STARD3NL: variants seen among roughly 807,000 people sequenced by gnomAD.
STARD3NL encodes STARD3 N-terminal like, also known as STARD3 N-terminal-like protein.
STARD3NL carries 17 observed loss-of-function variants against 30.9 expected under a neutral mutation model. That is an observed-to-expected ratio of 0.55 (90% CI 0.38 to 0.82). STARD3NL has a LOEUF of 0.82. Among genes scored for constraint, STARD3NL ranks in the 40% least tolerant of loss-of-function variants. The probability of loss-of-function intolerance (pLI) is 0.00; values close to 1 mark genes in which losing one functional copy is unlikely to be tolerated. For synonymous variants in STARD3NL, 112 were observed against 100.5 expected (o/e 1.11, Z -0.69); for missense variants, 234 against 277.6 (o/e 0.84, Z 1.12).
intron 1 of STARD3NL, among the ~76,000 whole-genome samples, chr7:38,186,179 G>A (rs1199558874): frequency 6.6e-6 from 1 of 152,158 alleles, no homozygotes; most frequent in Non-Finnish European, 1.5e-5. Context: ...ATATTTATAT[G>A]TACACTGAGG....
chr7:38,195,201 C>T (rs1157804861), intron 1 of STARD3NL, among the ~76,000 whole-genome samples: 6 of 152,084 alleles, frequency 3.9e-5, no homozygotes, highest in African/African-American at 1.2e-4. Flanking sequence ...GGAGTACAGG[C>T]GCACGTCACC....
At chr7:38,191,260 C>T (rs934442713) in intron 1 of STARD3NL, among the ~76,000 whole-genome samples, 1 of 152,146 alleles carries the variant, frequency 6.6e-6, no homozygotes, top group Non-Finnish European at 1.5e-5. Context: ...AAGAACTCTT[C>T]CCCTGCCATC....
chr7:38,220,345 A>T (rs546499641), intron 7 of STARD3NL, among the ~76,000 whole-genome samples: 20 of 152,368 alleles, frequency 1.3e-4, no homozygotes, highest in African/African-American at 4.8e-4. Flanking sequence ...TCCAAAGAAG[A>T]TAAACAAATG....
At chr7:38,189,223 G>A (rs1322821480) in intron 1 of STARD3NL, among the ~76,000 whole-genome samples, 1 of 152,066 alleles carries the variant, frequency 6.6e-6, no homozygotes, top group Non-Finnish European at 1.5e-5. Context: ...CATCCCAAAT[G>A]AATATAAATA....
chr7:38,182,111 G>A (rs1784273111), intron 1 of STARD3NL, among the ~76,000 whole-genome samples: 1 of 152,038 alleles, frequency 6.6e-6, no homozygotes, highest in Non-Finnish European at 1.5e-5. Context: ...AATATATGTT[G>A]ACTTGAGCTT....
At chr7:38,200,898 G>A (rs1785144005) in intron 1 of STARD3NL, among the ~76,000 whole-genome samples, 1 of 152,158 alleles carries the variant, frequency 6.6e-6, no homozygotes, top group Admixed American at 6.5e-5. Context: ...AGAAGACAAA[G>A]ATGGCCAAAT....
chr7:38,225,208 ATTGAG>A (rs1263854297), intron 7 of STARD3NL, among the ~76,000 whole-genome samples: 1 of 152,134 alleles, frequency 6.6e-6, no homozygotes, highest in African/African-American at 2.4e-5. Flanking sequence ...TCTTTTTATT[ATTGAG>A]TTGTAAGAAT....
intron 1 of STARD3NL, among the ~76,000 whole-genome samples, chr7:38,182,139 G>C (rs970234288): frequency 3.3e-5 from 5 of 152,082 alleles, no homozygotes; most frequent in Non-Finnish European, 7.4e-5. Context: ...TTGACAATTT[G>C]TGTTATATAC....
At chr7:38,216,687 C>T (rs185533396) in intron 4 of STARD3NL, 523 of 277,088 alleles carry the variant, frequency 1.9e-3, no homozygotes, top group African/African-American at 0.011. Context: ...GGCGAGAGCC[C>T]TACCTATGCA....
intron 1 of STARD3NL, among the ~76,000 whole-genome samples, chr7:38,181,573 T>G (rs1483526988): frequency 2.6e-5 from 4 of 152,228 alleles, no homozygotes; most frequent in Non-Finnish European, 5.9e-5. Flanking sequence ...TGTATGTCTT[T>G]TTGACTCTGC....
chr7:38,193,379 A>G (rs1373251151), intron 1 of STARD3NL, among the ~76,000 whole-genome samples: 2 of 151,880 alleles, frequency 1.3e-5, no homozygotes, highest in Admixed American at 6.6e-5. Flanking sequence ...GCTCACTACA[A>G]TCTCTGCCTC....
At chr7:38,181,013 A>G (rs1784223609) in intron 1 of STARD3NL, among the ~76,000 whole-genome samples, 1 of 152,212 alleles carries the variant, frequency 6.6e-6, no homozygotes, top group South Asian at 2.1e-4. Context: ...TTTATTGTCC[A>G]TAAACTTGTA....
chr7:38,227,910 A>G (rs751062870), intron 7 of STARD3NL, among the ~76,000 whole-genome samples: 13 of 152,178 alleles, frequency 8.5e-5, no homozygotes, highest in Non-Finnish European at 1.8e-4. Flanking sequence ...AAAATTATTA[A>G]TAAAGTCAAT....
intron 7 of STARD3NL, among the ~76,000 whole-genome samples, chr7:38,224,589 A>G (rs1031065148): frequency 6.6e-6 from 1 of 152,196 alleles, no homozygotes; most frequent in African/African-American, 2.4e-5. Context: ...CGTCCTGTCC[A>G]GAACGTGAAT....
chr7:38,216,895 G>A (rs1786151308), intron 4 of STARD3NL, 130 bp from the exon 5 acceptor site: 1 of 1,039,756 alleles, frequency 9.6e-7, no homozygotes, highest in Non-Finnish European at 1.4e-6. Flanking sequence ...GATATGGGAA[G>A]GAGCCAGGCT....
intron 1 of STARD3NL, among the ~76,000 whole-genome samples, chr7:38,178,690 G>T (rs561949685): frequency 6.6e-6 from 1 of 152,208 alleles, no homozygotes; most frequent in African/African-American, 2.4e-5. Context: ...TAGGTAGCGG[G>T]AGTGTCCTCA....
intron 1 of STARD3NL, among the ~76,000 whole-genome samples, chr7:38,182,738 C>T (rs183136737): frequency 1.1e-4 from 17 of 152,294 alleles, no homozygotes; most frequent in African/African-American, 4.1e-4. Context: ...CTATTTAAGC[C>T]TGGAGGATCT....
Position 38,230,494 on chromosome 7 carries a change from G to A in STARD3NL, c.*589G>A, listed in dbSNP as rs753476708. On this transcript the variant is annotated 3_prime_UTR_variant, in exon 9 of 9. Coordinates refer to ENST00000009041, the MANE Select transcript of STARD3NL (RefSeq NM_032016.4). The stretch of plus-strand genomic sequence containing the variant: ...TGCAAAAGGGGAAGAAAGGAATTGC[G>A]AATACATGTAAAATGTCACCAGACA... 4.9e-4 allele frequency: 74 copies of A among 152,430 alleles called. 1 individual carries two copies. The highest frequency in any genetic ancestry group is 1.0e-3 in the South Asian group (5 of 4,830). The allele number at this position is 152,430 out of a possible 1,614,324, so 9.4% of individuals were successfully genotyped here. A position where few individuals can be genotyped will look rare whatever the true frequency, so the allele number is the denominator to read the frequency against.
chr7:38,218,849 T>TG (rs1562622642), intron 6 of STARD3NL, among the ~76,000 whole-genome samples: 1 of 152,258 alleles, frequency 6.6e-6, no homozygotes, highest in Non-Finnish European at 1.5e-5. Flanking sequence ...ACCTTCTTGT[T>TG]GCATAAATAT....
Sources: gnomAD v4.1 joint callset for allele counts (sites outside exome capture counted in the v4.1 genomes callset) on GRCh38, gnomAD v4.1.1 for gene constraint, MANE v1.5 for transcripts, NCBI Gene and HGNC (gene_info 2026-07-23, HGNC 2026-07-21) for gene names.